OPHN1: variants seen among roughly 807,000 people sequenced by gnomAD.
OPHN1 encodes oligophrenin 1.
In OPHN1, 11 loss-of-function variants were observed where a neutral mutation model predicts 60.7. The observed-to-expected ratio is 0.18, with a 90% CI of 0.11 to 0.30. The LOEUF (loss-of-function observed/expected upper bound fraction) is 0.30, where lower values mean the gene tolerates loss of function less well. Ranked by LOEUF, OPHN1 falls within the 10% of genes least tolerant of loss-of-function variation. OPHN1 has a pLI of 1.00. For synonymous variants in OPHN1, 226 were observed against 222.6 expected (o/e 1.02, Z -0.14); for missense variants, 449 against 611.0 (o/e 0.73, Z 2.80).
intron 5 of OPHN1, among the ~76,000 whole-genome samples, chrX:68,247,781 T>C (rs1362411733): frequency 9.4e-6 from 1 of 106,691 alleles, no homozygotes; most frequent in Non-Finnish European, 1.9e-5. Flanking sequence ...CACACAAAAA[T>C]TAGCTGGGCA....
At chrX:68,339,086 AAATATAT>A (rs1397506086) in intron 2 of OPHN1, among the ~76,000 whole-genome samples, 3 of 101,889 alleles carry the variant, frequency 2.9e-5, no homozygotes, top group African/African-American at 1.1e-4. Context: ...TGAAAAAAAA[AAATATAT>A]ATATATATAT....
At chrX:68,126,754 A>G (rs920692125) in intron 15 of OPHN1, among the ~76,000 whole-genome samples, 2 of 111,800 alleles carry the variant, frequency 1.8e-5, no homozygotes, top group African/African-American at 6.5e-5. Flanking sequence ...CATAGTCTGT[A>G]ATTCTTACAT....
At chrX:68,372,035 A>G (rs988300701) in intron 2 of OPHN1, among the ~76,000 whole-genome samples, 1 of 112,481 alleles carries the variant, frequency 8.9e-6, no homozygotes, top group Admixed American at 9.4e-5. Context: ...GTGAGCCACC[A>G]TGCCCACCCA....
chrX:68,313,920 T>C (rs981521261), intron 2 of OPHN1, among the ~76,000 whole-genome samples: 2 of 111,629 alleles, frequency 1.8e-5, no homozygotes, highest in Non-Finnish European at 3.8e-5. Flanking sequence ...ATGTGATTAT[T>C]AACCATTGTA....
chrX:68,420,745 T>C (rs2078822382), intron 2 of OPHN1, among the ~76,000 whole-genome samples: 1 of 109,829 alleles, frequency 9.1e-6, no homozygotes. Flanking sequence ...GTAAAATGCT[T>C]GGCTGCCTTC....
chrX:68,192,093 A>T (rs769142098), intron 15 of OPHN1, among the ~76,000 whole-genome samples: 25 of 110,966 alleles, frequency 2.3e-4, no homozygotes, highest in East Asian at 5.6e-4. Context: ...AAAACATATT[A>T]AAAAAAAAGA....
chrX:68,129,988 T>C (rs2077187248), intron 15 of OPHN1, among the ~76,000 whole-genome samples: 1 of 112,296 alleles, frequency 8.9e-6, no homozygotes, highest in South Asian at 3.7e-4. Context: ...TCTTCTTCAA[T>C]TATAAAATCC....
At chrX:68,334,268 A>G (rs1409369882) in intron 2 of OPHN1, among the ~76,000 whole-genome samples, 3 of 111,769 alleles carry the variant, frequency 2.7e-5, no homozygotes, top group African/African-American at 9.8e-5. Context: ...AAAACCACTA[A>G]TTTTAAAATA....
chrX:68,301,092 T>C (rs1437066331), intron 2 of OPHN1, among the ~76,000 whole-genome samples: 1 of 108,577 alleles, frequency 9.2e-6, no homozygotes, highest in Non-Finnish European at 1.9e-5. Flanking sequence ...GGAAATACTG[T>C]CCTCACCTTA....
chrX:68,341,537 T>C (rs902731902), intron 2 of OPHN1, among the ~76,000 whole-genome samples: 1 of 111,697 alleles, frequency 9.0e-6, no homozygotes, highest in Non-Finnish European at 1.9e-5. Context: ...TTAAAACAGA[T>C]TTAAGAAACA....
At chrX:68,072,989 C>T (rs185280944) in intron 20 of OPHN1, among the ~76,000 whole-genome samples, 163 bp downstream of exon 20, 110 of 111,626 alleles carry the variant, frequency 9.9e-4, no homozygotes, top group African/African-American at 3.5e-3. Flanking sequence ...GCTTAATCCC[C>T]TCTCTGAGCA....
chrX:68,250,107 A>G (rs1294372961), intron 5 of OPHN1, among the ~76,000 whole-genome samples: 1 of 112,161 alleles, frequency 8.9e-6, no homozygotes, highest in Admixed American at 9.5e-5. Flanking sequence ...TCTCCGCCCC[A>G]AGGGAAATTG....
chrX:68,389,802 G>GT (rs2078644784), intron 2 of OPHN1, among the ~76,000 whole-genome samples: 1 of 110,238 alleles, frequency 9.1e-6, no homozygotes. Flanking sequence ...CTTTGGGCGA[G>GT]GGGGATAATA....
intron 7 of OPHN1, among the ~76,000 whole-genome samples, chrX:68,213,169 G>A (rs2077592426): frequency 8.9e-6 from 1 of 111,839 alleles, no homozygotes; most frequent in East Asian, 2.8e-4. Context: ...GGGAGTTGGA[G>A]ACCAGCCTGG....
At chrX:68,424,450 T>C (rs764982609) in intron 2 of OPHN1, among the ~76,000 whole-genome samples, 2 of 110,921 alleles carry the variant, frequency 1.8e-5, no homozygotes, top group Non-Finnish European at 3.8e-5. Context: ...TGGTAAAGGA[T>C]CATGAGGGCC....
At chrX:68,069,667 G>T (rs985159934) in intron 20 of OPHN1, among the ~76,000 whole-genome samples, 1 of 110,435 alleles carries the variant, frequency 9.1e-6, no homozygotes, top group Non-Finnish European at 1.9e-5. Context: ...AGAAGCAGGG[G>T]ATATGAGTTG....
At chrX:68,278,914 T>TA (rs1250948211) in intron 4 of OPHN1, among the ~76,000 whole-genome samples, 12 of 108,889 alleles carry the variant, frequency 1.1e-4, no homozygotes, top group Non-Finnish European at 1.5e-4. Flanking sequence ...AATTTTTTTT[T>TA]AAAAAAAGAG....
intron 2 of OPHN1, among the ~76,000 whole-genome samples, chrX:68,387,585 G>A (rs2078631189): frequency 9.0e-6 from 1 of 111,409 alleles, no homozygotes; most frequent in African/African-American, 3.3e-5. Context: ...CCATAAAAGG[G>A]ACTTTGTCTC....
chrX:68,295,371 C>A (rs1190967827), intron 3 of OPHN1, among the ~76,000 whole-genome samples: 1 of 112,026 alleles, frequency 8.9e-6, no homozygotes, highest in African/African-American at 3.2e-5. Flanking sequence ...AGACACTGAG[C>A]TAAATGATTT....
Sources: gnomAD v4.1 joint callset for allele counts (sites outside exome capture counted in the v4.1 genomes callset) on GRCh38, gnomAD v4.1.1 for gene constraint, MANE v1.5 for transcripts, NCBI Gene and HGNC (gene_info 2026-07-23, HGNC 2026-07-21) for gene names.